The following APAF1 variants were observed in gnomAD, a reference collection of about 807,000 sequenced individuals.
The protein encoded by APAF1 is apoptotic peptidase activating factor 1.
APAF1 carries 91 observed loss-of-function variants against 152.4 expected under a neutral mutation model. That is an observed-to-expected ratio of 0.60 (90% CI 0.50 to 0.71). The LOEUF (loss-of-function observed/expected upper bound fraction) is 0.71, where lower values mean the gene tolerates loss of function less well. Among genes scored for constraint, APAF1 ranks in the 30% least tolerant of loss-of-function variants. The pLI is 0.00. For synonymous variants in APAF1, 484 were observed against 494.1 expected (o/e 0.98, Z 0.27); for missense variants, 1,283 against 1,472.0 (o/e 0.87, Z 2.10).
Position 98,733,126 on chromosome 12 carries a change from GC to G in APAF1, c.*567del, listed in dbSNP as rs977649550. 15 of 152,446 alleles carry G rather than the reference GC, an allele frequency of 9.8e-5. No homozygotes were observed. Among genetic ancestry groups the G allele is most frequent in the Admixed American group, 3.9e-4 (6 of 15,236 alleles). 9.4% of individuals were successfully genotyped at this position (152,446 alleles called of 1,614,324 possible). On this transcript the variant is annotated 3_prime_UTR_variant, in exon 27 of 27. Coordinates refer to ENST00000551964, the MANE Select transcript of APAF1 (RefSeq NM_181861.2). ...AATAAGTGAGTCTTGGATTTAGCAGGCCCCCCCACCTTTTTTTTTTGTTTTT... is the reference window on the plus strand; with the variant it reads ...AATAAGTGAGTCTTGGATTTAGCAGGCCCCCCACCTTTTTTTTTTGTTTTT...
In APAF1 at chr12:98,666,365, C is replaced by T. The variant is rs201963658; in HGVS notation, c.1362+8C>T. On this transcript the variant is annotated splice_region_variant and intron_variant, in intron 9 of 26. Transcript: ENST00000551964. Reference sequence around the variant, plus strand: ...AATTGCAGCCAGCTTCAGGTACTTGCATCTTGGTTTACTTTTTTTTTTCCT... The same window carrying T: ...AATTGCAGCCAGCTTCAGGTACTTGTATCTTGGTTTACTTTTTTTTTTCCT... 9.3e-6 allele frequency: 15 copies of T among 1,607,096 alleles called. No individual in the cohort carries two copies. The highest frequency in any genetic ancestry group is 1.2e-5 in the Non-Finnish European group (14 of 1,177,848).
Position 98,727,811 on chromosome 12 carries a change from T to C in APAF1, c.3600+495T>C, listed in dbSNP as rs192079817. On this transcript the variant is annotated intron_variant, in intron 26 of 26. Transcript: ENST00000551964. ...CAAAAAATAGCCGGGCGTGGTGGCATATGCCTGTAATCCCAGCTACTTGGG... is the reference window on the plus strand; with the variant it reads ...CAAAAAATAGCCGGGCGTGGTGGCACATGCCTGTAATCCCAGCTACTTGGG... Among the ~76,000 whole-genome samples, 1,487 of 151,548 alleles carry C rather than the reference T, an allele frequency of 9.8e-3. 10 individuals are homozygous for C. The highest frequency in any genetic ancestry group is 0.017 in the Non-Finnish European group (1,146 of 67,774).
At position 98,648,366 on chromosome 12, in the gene APAF1, G is replaced by A. The variant is rs1216860579; in HGVS notation, c.7G>A (p.Ala3Thr). MDAKARNCLLQHR... is the reference protein window; with the variant it reads MDTKARNCLLQHR... ...GAGAAAGATCTGAGGGAAGATGGAT[G>A]CAAAAGCTCGAAATTGTTTGCTTCA... The change falls in exon 2 of 27, where the codon GCA (alanine) becomes ACA (threonine). Residue 3 changes from alanine to threonine, a missense_variant. Ala to Thr is a moderately conservative substitution (Grantham distance 58). Transcript: ENST00000551964. 3.1e-6 allele frequency: 5 copies of A among 1,613,966 alleles called. No homozygotes were observed. The African/African-American group carries it at 6.7e-5, about 22-fold the overall frequency.
chr12:98,703,727 C>G (rs529379367), intron 18 of APAF1, among the ~76,000 whole-genome samples: 2 of 152,336 alleles, frequency 1.3e-5, no homozygotes, highest in African/African-American at 4.8e-5. Flanking sequence ...GGGAATTCAG[C>G]AAGCATTTGC....
At chr12:98,708,204 C>T (rs141949581) in intron 19 of APAF1, among the ~76,000 whole-genome samples, 2,081 of 152,334 alleles carry the variant, frequency 0.014, 24 homozygotes, top group Middle Eastern at 0.027. Flanking sequence ...CTTGGCCTCC[C>T]AAAGTGCTGG....
intron 20 of APAF1, 65 bp from the exon 21 acceptor site, chr12:98,712,254 T>G: frequency 1.1e-6 from 1 of 874,718 alleles, no homozygotes; most frequent in Non-Finnish European, 2.0e-6. Context: ...AATTGAAGCC[T>G]CTGTTCTGAC....
chr12:98,648,923 G>A (rs1414160392), intron 3 of APAF1, 108 bp downstream of exon 3: 3 of 1,090,842 alleles, frequency 2.8e-6, no homozygotes, highest in South Asian at 1.3e-5. Flanking sequence ...ACTGAAAACT[G>A]CATGTTAAAA....
intron 12 of APAF1, among the ~76,000 whole-genome samples, chr12:98,673,435 CAAAAAACAAAAAAAA>C (rs1367073182): frequency 6.3e-5 from 5 of 78,822 alleles, no homozygotes; most frequent in South Asian, 8.4e-4. Flanking sequence ...AGCTCTGTCT[CAAAAAACAAAAAAAA>C]AAAAAACAAA....
rs562427277 is a variant in APAF1 at position 98,712,235 on chromosome 12, A to AT, written c.2842-77dup. ...TTGGTTATTTTCTGTGTTTTATTTT[A>AT]TTTTTTTCAATTGAAGCCTCTGTTC... On this transcript the variant is annotated intron_variant, in intron 20 of 26. Coordinates refer to ENST00000551964, the MANE Select transcript of APAF1 (RefSeq NM_181861.2). 1,440 of 797,086 alleles carry AT rather than the reference A, an allele frequency of 1.8e-3. 2 individuals carry two copies. Among genetic ancestry groups the AT allele is most frequent in the Non-Finnish European group, 2.8e-3 (1,240 of 447,036 alleles). 49.4% of individuals were successfully genotyped at this position (797,086 alleles called of 1,614,324 possible). A position where few individuals can be genotyped will look rare whatever the true frequency, so the allele number is the denominator to read the frequency against.
Position 98,708,627 on chromosome 12 carries a change from T to A in APAF1, c.2764T>A (p.Leu922Ile). 1 of 1,613,764 alleles carries A rather than the reference T, an allele frequency of 6.2e-7. No individual in the cohort carries two copies. The highest frequency in any genetic ancestry group is 8.5e-7 in the Non-Finnish European group (1 of 1,179,812). ...AGTATGTAAGAACTCTGCTGTAATG[T>A]TAAAGCAAGAAGTAGATGTTGTGTT... ...KKVCKNSAVM[L>I]KQEVDVVFQE... The change falls in exon 20 of 27, where the codon TTA (leucine) becomes ATA (isoleucine). Residue 922 changes from leucine (L) to isoleucine (I), a missense_variant. Physicochemically the swap from Leu to Ile is conservative, Grantham distance 5. Transcript: ENST00000551964.
In APAF1 at chr12:98,677,413, C is replaced by G. The variant is rs1356493495; in HGVS notation, c.1794-12C>G. On this transcript the variant is annotated splice_polypyrimidine_tract_variant and intron_variant, in intron 12 of 26. Coordinates refer to ENST00000551964, the MANE Select transcript of APAF1 (RefSeq NM_181861.2). ...TTTATTTAATTTCTGTTCATTTTTT[C>G]CCTGTATTTAGAAACAAAAAAAACA... is the stretch of plus-strand genomic sequence containing the variant. 6.2e-7 allele frequency: 1 copy of G among 1,612,890 alleles called. No individual in the cohort carries two copies. Among genetic ancestry groups the G allele is most frequent in the South Asian group, 1.1e-5 (1 of 90,928 alleles).
chr12:98,701,975 A>G (rs1446904416), intron 17 of APAF1, among the ~76,000 whole-genome samples: 2 of 152,222 alleles, frequency 1.3e-5, no homozygotes, highest in African/African-American at 2.4e-5. Flanking sequence ...CTTGGGAAGC[A>G]TTTTAAATCT....
In APAF1 at chr12:98,712,455, A is replaced by G. The variant is rs1386727749; in HGVS notation, c.2958+20A>G. ...ATTGAGGTATTCAGTGCTAGTCTTCAGAATCTTTCTGTACAGAATTAAATA... is the reference window on the plus strand; with the variant it reads ...ATTGAGGTATTCAGTGCTAGTCTTCGGAATCTTTCTGTACAGAATTAAATA... On this transcript the variant is annotated intron_variant, in intron 21 of 26. Transcript: ENST00000551964. The G allele has an allele frequency of 7.9e-7, 1 of 1,272,318 alleles. No individual in the cohort carries two copies. Among genetic ancestry groups the G allele is most frequent in the Non-Finnish European group, 1.2e-6 (1 of 868,108 alleles). 78.8% of individuals were successfully genotyped at this position (1,272,318 alleles called of 1,614,324 possible).
rs377171914 is a variant in APAF1 at position 98,649,616 on chromosome 12, A to G, written c.458A>G (p.His153Arg). The G allele has an allele frequency of 6.2e-7, 1 of 1,614,216 alleles. No individual in the cohort carries two copies. ...GGTGAACCAGGATGGGTCACCATAC[A>G]TGGAATGGCAGGCTGTGGGAAGTCT... ...LKGEPGWVTIHGMAGCGKSVL... is the reference protein window; with the variant it reads ...LKGEPGWVTIRGMAGCGKSVL... Residue 153 changes from histidine (H) to arginine (R), a missense_variant, in exon 4 of 27, where the codon CAT (histidine) becomes CGT (arginine). Physicochemically the swap from His to Arg is conservative, Grantham distance 29. Coordinates refer to ENST00000551964, the MANE Select transcript of APAF1 (RefSeq NM_181861.2).
chr12:98,699,490 A>T lies in APAF1; in HGVS notation c.2387A>T (p.Asp796Val). ...FFLNLEDPQE[D>V]MEVIVKCCSW... ...CTAAATTTGGAGGACCCTCAAGAGG[A>T]TATGGAAGTGATAGTGAAGTGTTGT... The change falls in exon 17 of 27, where the codon GAT becomes GTT. Residue 796 changes from aspartate to valine, a missense_variant. Asp to Val is a radical substitution (Grantham distance 152, BLOSUM62 -3). Transcript: ENST00000551964. The T allele has an allele frequency of 1.2e-6, 2 of 1,614,178 alleles. No individual in the cohort carries two copies. The highest frequency in any genetic ancestry group is 1.7e-5 in the Admixed American group (1 of 60,028).
At chr12:98,658,803 G>A (rs866888488) in intron 4 of APAF1, among the ~76,000 whole-genome samples, 7 of 152,272 alleles carry the variant, frequency 4.6e-5, no homozygotes, top group African/African-American at 1.7e-4. Flanking sequence ...GCATAGGACA[G>A]TCCCTTACAA....
chr12:98,662,296 G>C (rs952533401), intron 5 of APAF1, among the ~76,000 whole-genome samples, 160 bp from the exon 6 acceptor site: 5 of 151,662 alleles, frequency 3.3e-5, no homozygotes, highest in African/African-American at 9.7e-5. Flanking sequence ...ATTGAGAAGA[G>C]TATAGCAAAG....
chr12:98,670,962 G>A lies in APAF1; in HGVS notation c.1495-11G>A. 6.3e-7 allele frequency: 1 copy of A among 1,597,668 alleles called. No homozygotes were observed. Among genetic ancestry groups the A allele is most frequent in the African/African-American group, 1.3e-5 (1 of 74,528 alleles). On this transcript the variant is annotated splice_polypyrimidine_tract_variant and intron_variant, in intron 10 of 26. Transcript: ENST00000551964. The stretch of plus-strand genomic sequence containing the variant: ...AACAGTGCTGCTGATACTACTTTTT[G>A]TTTTTTAAAGGAACTTTGTGCTTTA...
At chr12:98,707,328 G>A (rs1565886707) in intron 19 of APAF1, among the ~76,000 whole-genome samples, 3 of 152,080 alleles carry the variant, frequency 2.0e-5, no homozygotes, top group Non-Finnish European at 2.9e-5. Context: ...TTCCTTAAGT[G>A]GTTTCTTATA....
Sources: allele counts gnomAD v4.1 joint callset (sites outside exome capture counted in the v4.1 genomes callset), GRCh38; gene constraint gnomAD v4.1.1; transcripts MANE v1.5; gene names NCBI Gene and HGNC (gene_info 2026-07-23, HGNC 2026-07-21).